The following MBP variants were observed in gnomAD, a reference collection of about 807,000 sequenced individuals.
MBP encodes the protein Golli-MBP.
Under a neutral mutation model 35.8 loss-of-function variants are expected in MBP, and 16 were observed. The ratio of observed to expected loss-of-function variants is 0.45; its 90% confidence interval spans 0.30 to 0.68. The LOEUF is 0.68. Among genes scored for constraint, MBP ranks in the 30% least tolerant of loss-of-function variants. The pLI is 0.08. For missense variants in MBP, 380 were observed against 404.7 expected (o/e 0.94, Z 0.52); for synonymous variants, 143 against 159.6 (o/e 0.90, Z 0.78).
chr18:76,991,384 G>A (rs1452875228), intron 4 of MBP, among the ~76,000 whole-genome samples: 1 of 152,160 alleles, frequency 6.6e-6, no homozygotes, highest in African/African-American at 2.4e-5. Context: ...ATGAGCGCCC[G>A]GGGGCAGGGG....
At chr18:77,040,203 C>A (rs1403743373) in intron 3 of MBP, among the ~76,000 whole-genome samples, 1 of 152,050 alleles carries the variant, frequency 6.6e-6, no homozygotes, top group Non-Finnish European at 1.5e-5. Flanking sequence ...GGTAAATGAT[C>A]AAATACAAGT....
chr18:77,013,101 G>C (rs1415166678), intron 4 of MBP: 2 of 985,342 alleles, frequency 2.0e-6, no homozygotes, highest in Non-Finnish European at 2.4e-6. Context: ...ACTGATCAGA[G>C]TAATGAGACT....
chr18:77,126,231 G>A (rs1319054292), intron 1 of MBP, among the ~76,000 whole-genome samples: 2 of 152,142 alleles, frequency 1.3e-5, no homozygotes, highest in Non-Finnish European at 2.9e-5. Context: ...ATGGCTAAGT[G>A]GAATATATAT....
chr18:77,022,235 G>A (rs1473653732), intron 3 of MBP, among the ~76,000 whole-genome samples: 3 of 152,170 alleles, frequency 2.0e-5, no homozygotes, highest in Admixed American at 6.5e-5. Flanking sequence ...TGTAAAGCCA[G>A]CAGTTGGAAC....
chr18:77,034,298 T>G (rs1409444015), intron 3 of MBP, among the ~76,000 whole-genome samples: 1 of 152,102 alleles, frequency 6.6e-6, no homozygotes, highest in African/African-American at 2.4e-5. Flanking sequence ...GGGCCCATTC[T>G]ACAGTCTACA....
At chr18:77,037,283 C>T (rs1346762264) in intron 3 of MBP, among the ~76,000 whole-genome samples, 1 of 148,244 alleles carries the variant, frequency 6.7e-6, no homozygotes, top group African/African-American at 2.5e-5. Context: ...TGAGCAAGTG[C>T]TGGTCACGTT....
chr18:77,027,025 C>T (rs7237258), intron 3 of MBP, among the ~76,000 whole-genome samples: 17,483 of 152,104 alleles, frequency 0.11, 1,247 homozygotes, highest in East Asian at 0.26. Flanking sequence ...CTTAGCCTGC[C>T]GTGAGTCGCC....
intron 3 of MBP, among the ~76,000 whole-genome samples, chr18:77,026,168 T>C (rs1156885657): frequency 6.6e-6 from 1 of 152,264 alleles, no homozygotes; most frequent in East Asian, 1.9e-4. Context: ...GGACGGTGCC[T>C]GCAGGCCGCT....
intron 3 of MBP, among the ~76,000 whole-genome samples, chr18:77,031,686 G>A (rs1972546645): frequency 6.6e-6 from 1 of 152,212 alleles, no homozygotes; most frequent in African/African-American, 2.4e-5. Flanking sequence ...AAGAAACAAT[G>A]CACCAGGGCC....
chr18:77,129,045 T>G (rs899645627), intron 1 of MBP, among the ~76,000 whole-genome samples: 3 of 152,230 alleles, frequency 2.0e-5, no homozygotes, highest in Non-Finnish European at 4.4e-5. Context: ...AGGGTTAAAG[T>G]CCTTTTCTTA....
intron 4 of MBP, chr18:77,006,994 C>G (rs1176916459): frequency 6.6e-6 from 1 of 152,656 alleles, no homozygotes; most frequent in Non-Finnish European, 1.5e-5. Context: ...GCCCTCTGTT[C>G]AGCTCGCGTT....
At chr18:77,054,497 C>T (rs1044526907) in intron 3 of MBP, among the ~76,000 whole-genome samples, 1 of 152,164 alleles carries the variant, frequency 6.6e-6, no homozygotes, top group African/African-American at 2.4e-5. Flanking sequence ...TGCTCAGCAG[C>T]TAGCTGGCAG....
Position 77,000,464 on chromosome 18 carries a change from C to T in MBP, c.577-10404G>A, listed in dbSNP as rs550153735. ...ACAACAACAAAATGACAAACGTTTGCTTGGTAAATAAAAATAACTTGCTGA... is the reference window on the plus strand; with the variant it reads ...ACAACAACAAAATGACAAACGTTTGTTTGGTAAATAAAAATAACTTGCTGA... On this transcript the variant is annotated intron_variant, in intron 4 of 8. Coordinates refer to ENST00000355994, the MANE Select transcript of MBP (RefSeq NM_001025101.2). 6.6e-5 allele frequency among the ~76,000 whole-genome samples: 10 copies of T among 152,330 alleles called. No individual in the cohort carries two copies. In the East Asian group the frequency reaches 1.9e-3, roughly 29 times the overall value.
At chr18:77,104,847 A>C (rs1191710786) in intron 2 of MBP, among the ~76,000 whole-genome samples, 1 of 152,114 alleles carries the variant, frequency 6.6e-6, no homozygotes, top group Non-Finnish European at 1.5e-5. Flanking sequence ...GACCAAGAGG[A>C]AGGGCTGCTT....
At chr18:77,001,160 G>A (rs1970611433) in intron 4 of MBP, among the ~76,000 whole-genome samples, 1 of 143,318 alleles carries the variant, frequency 7.0e-6, no homozygotes, top group South Asian at 2.5e-4. Context: ...CCGGGTCCCC[G>A]CCCACCCGGT....
Position 76,989,852 on chromosome 18 carries a change from G to C in MBP, c.681+104C>G. 7 of 983,164 alleles carry C rather than the reference G, an allele frequency of 7.1e-6. No individual in the cohort carries two copies. Among genetic ancestry groups the C allele is most frequent in the Non-Finnish European group, 1.1e-5 (7 of 630,324 alleles). The allele number at this position is 983,164 out of a possible 1,614,324, so 60.9% of individuals were successfully genotyped here. On this transcript the variant is annotated intron_variant, in intron 5 of 8. Coordinates refer to ENST00000355994, the MANE Select transcript of MBP (RefSeq NM_001025101.2). The surrounding 1 kb of genome is among the most constrained non-coding windows in gnomAD (Gnocchi z 4.0). ...CCGGCCTCACCCTGATGATGACCCC[G>C]GTGCCACCCCCGAGCGTACGAACGT...
rs1407109553 is a variant in MBP, at chr18:76,979,996, C to G, written c.*431G>C. 1.4e-6 allele frequency: 1 copy of G among 702,620 alleles called. No individual in the cohort carries two copies. Among genetic ancestry groups the G allele is most frequent in the Admixed American group, 2.0e-5 (1 of 50,018 alleles). 43.5% of individuals were successfully genotyped at this position (702,620 alleles called of 1,614,324 possible). A position where few individuals can be genotyped will look rare whatever the true frequency, so the allele number is the denominator to read the frequency against. On this transcript the variant is annotated 3_prime_UTR_variant, in exon 9 of 9. Coordinates refer to ENST00000355994, the MANE Select transcript of MBP (RefSeq NM_001025101.2). The stretch of plus-strand genomic sequence containing the variant: ...CAAAGGAAGCTTGGATGTCAACAGT[C>G]CTCTCTGCCGCCCACGTCCTCTCTG...
chr18:76,989,749 C>A lies in MBP; in HGVS notation c.681+207G>T. ...CTCTCTGGAGAACGCACGGAGCGCA[C>A]GGTGCAATCCGTGGCAGATACAGTC... is the stretch of plus-strand genomic sequence containing the variant. On this transcript the variant is annotated intron_variant, in intron 5 of 8. Transcript: ENST00000355994. The surrounding 1 kb of genome is among the most constrained non-coding windows in gnomAD (Gnocchi z 4.0). 1 of 556,964 alleles carries A rather than the reference C, an allele frequency of 1.8e-6. No individual in the cohort carries two copies. Among genetic ancestry groups the A allele is most frequent in the Non-Finnish European group, 3.2e-6 (1 of 310,062 alleles). 34.5% of individuals were successfully genotyped at this position (556,964 alleles called of 1,614,324 possible).
At chr18:77,058,944 C>T (rs1007652346) in intron 3 of MBP, among the ~76,000 whole-genome samples, 8 of 152,208 alleles carry the variant, frequency 5.3e-5, no homozygotes, top group Non-Finnish European at 1.2e-4. Context: ...TGCCTGAGGG[C>T]CACCACATCC....
Sources: allele counts gnomAD v4.1 joint callset (sites outside exome capture counted in the v4.1 genomes callset), GRCh38; gene constraint gnomAD v4.1.1; non-coding constraint Gnocchi (gnomAD v3.1); transcripts MANE v1.5; gene names NCBI Gene and HGNC (gene_info 2026-07-23, HGNC 2026-07-21).